The following CLSTN2 variants were observed in gnomAD, a reference collection of about 807,000 sequenced individuals.
CLSTN2 encodes the protein calsyntenin 2, also known as calsyntenin-2.
In CLSTN2, 48 loss-of-function variants were observed where a neutral mutation model predicts 101.2. That is an observed-to-expected ratio of 0.47 (90% CI 0.38 to 0.60). CLSTN2 has a LOEUF of 0.60. Among genes scored for constraint, CLSTN2 ranks in the 20% least tolerant of loss-of-function variants. The pLI, the probability that CLSTN2 is intolerant of heterozygous loss-of-function variation, is 0.00. For synonymous variants in CLSTN2, 481 were observed against 463.6 expected (o/e 1.04, Z -0.48); for missense variants, 1,160 against 1,238.2 (o/e 0.94, Z 0.95).
intron 5 of CLSTN2, among the ~76,000 whole-genome samples, chr3:140,438,482 T>TA (rs1341189536): frequency 7.3e-6 from 1 of 136,510 alleles, no homozygotes; most frequent in Non-Finnish European, 1.5e-5. Context: ...ATTGATAGCT[T>TA]AAAAAGAGAT....
At chr3:140,018,817 T>A (rs1333645503) in intron 1 of CLSTN2, among the ~76,000 whole-genome samples, 1 of 152,226 alleles carries the variant, frequency 6.6e-6, no homozygotes, top group Non-Finnish European at 1.5e-5. Flanking sequence ...ATAAGCTAAG[T>A]AAACATTAAG....
At chr3:140,326,028 C>CT (rs2107926420) in intron 2 of CLSTN2, among the ~76,000 whole-genome samples, 2 of 152,270 alleles carry the variant, frequency 1.3e-5, no homozygotes, top group African/African-American at 4.8e-5. Flanking sequence ...TATACTTTTC[C>CT]TTTTCACACT....
At chr3:139,947,916 G>A (rs1935238208) in intron 1 of CLSTN2, among the ~76,000 whole-genome samples, 1 of 151,034 alleles carries the variant, frequency 6.6e-6, no homozygotes, top group Non-Finnish European at 1.5e-5. Flanking sequence ...TTAAATTCCA[G>A]TCTTCCTAGG....
At chr3:140,386,321 G>C (rs966848755) in intron 2 of CLSTN2, among the ~76,000 whole-genome samples, 5 of 152,194 alleles carry the variant, frequency 3.3e-5, no homozygotes, top group African/African-American at 1.2e-4. Flanking sequence ...GTCTTAGCCA[G>C]TATAACTTTG....
intron 2 of CLSTN2, among the ~76,000 whole-genome samples, chr3:140,232,101 G>A (rs2086376296): frequency 6.6e-6 from 1 of 152,108 alleles, no homozygotes; most frequent in African/African-American, 2.4e-5. Context: ...ATAAATGTTA[G>A]GTATCAATTC....
Position 140,558,895 on chromosome 3 carries a change from T to C in CLSTN2, c.2041+38T>C, listed in dbSNP as rs754924488. The C allele has an allele frequency of 3.9e-6, 6 of 1,548,586 alleles. No individual in the cohort carries two copies. The Admixed American group carries it at 1.0e-4, about 27-fold the overall frequency. On this transcript the variant is annotated intron_variant, in intron 12 of 16. Coordinates refer to ENST00000458420, the MANE Select transcript of CLSTN2 (RefSeq NM_022131.3). ...TTGAGTTTGTGGGGAGGGTGGACCT[T>C]AATTTTTTACAGCCATGTGAAAACA... is the stretch of plus-strand genomic sequence containing the variant.
At chr3:140,142,352 AC>A (rs1224933560) in intron 1 of CLSTN2, among the ~76,000 whole-genome samples, 3 of 152,162 alleles carry the variant, frequency 2.0e-5, no homozygotes, top group Non-Finnish European at 4.4e-5. Flanking sequence ...AGGGACCCTT[AC>A]CCTGAGATGA....
intron 1 of CLSTN2, among the ~76,000 whole-genome samples, chr3:140,111,837 T>C (rs75706232): frequency 0.027 from 4,152 of 152,310 alleles, 179 homozygotes; most frequent in African/African-American, 0.092. Context: ...GGACTTCATA[T>C]GCACGATCTC....
chr3:140,298,905 G>C (rs1357542350), intron 2 of CLSTN2, among the ~76,000 whole-genome samples: 2 of 152,184 alleles, frequency 1.3e-5, no homozygotes, highest in Admixed American at 1.3e-4. Flanking sequence ...TAGGGGACTT[G>C]GGAATCTGAG....
At chr3:140,272,313 A>C (rs1031409192) in intron 2 of CLSTN2, among the ~76,000 whole-genome samples, 4 of 152,214 alleles carry the variant, frequency 2.6e-5, no homozygotes, top group Admixed American at 2.6e-4. Flanking sequence ...TTTATGCCAG[A>C]CACAGAGTAA....
At chr3:140,413,936 ACAT>A (rs1417478543) in intron 4 of CLSTN2, among the ~76,000 whole-genome samples, 1 of 152,152 alleles carries the variant, frequency 6.6e-6, no homozygotes, top group Non-Finnish European at 1.5e-5. Context: ...GCCACAGCAA[ACAT>A]CATACTCCAC....
intron 1 of CLSTN2, among the ~76,000 whole-genome samples, chr3:140,027,858 G>A (rs2007454675): frequency 6.6e-6 from 1 of 152,232 alleles, no homozygotes; most frequent in Admixed American, 6.5e-5. Context: ...CTCACTCCGT[G>A]GTTGAGAGCA....
At chr3:139,997,458 A>G (rs1204744714) in intron 1 of CLSTN2, among the ~76,000 whole-genome samples, 1 of 152,156 alleles carries the variant, frequency 6.6e-6, no homozygotes, top group Non-Finnish European at 1.5e-5. Context: ...CATGGAGTGA[A>G]TTGTCCCTCC....
chr3:140,317,489 G>C, intron 2 of CLSTN2, among the ~76,000 whole-genome samples: 1 of 152,106 alleles, frequency 6.6e-6, no homozygotes, highest in East Asian at 1.9e-4. Context: ...TTCTGTAAAA[G>C]TTCCTACAGC....
At chr3:140,067,627 G>A (rs1000520253) in intron 1 of CLSTN2, among the ~76,000 whole-genome samples, 1 of 152,222 alleles carries the variant, frequency 6.6e-6, no homozygotes, top group Non-Finnish European at 1.5e-5. Context: ...GTGATGTCAG[G>A]ATGTAAATCT....
intron 1 of CLSTN2, among the ~76,000 whole-genome samples, chr3:140,138,381 A>C (rs2009646921): frequency 6.6e-6 from 1 of 152,196 alleles, no homozygotes; most frequent in African/African-American, 2.4e-5. Flanking sequence ...AACCAGGGCC[A>C]GCAAAGTAGG....
chr3:139,962,894 C>T (rs765834599), intron 1 of CLSTN2, among the ~76,000 whole-genome samples: 4 of 152,022 alleles, frequency 2.6e-5, no homozygotes, highest in Non-Finnish European at 4.4e-5. Context: ...CTTTAATTTC[C>T]CATGGGTAAA....
intron 1 of CLSTN2, among the ~76,000 whole-genome samples, chr3:140,134,824 G>A (rs1295487166): frequency 6.6e-6 from 1 of 151,764 alleles, no homozygotes; most frequent in Non-Finnish European, 1.5e-5. Flanking sequence ...CTAATCCATC[G>A]GGGAACATCA....
rs575632984 is a variant in CLSTN2, at chr3:140,459,651, T to C, written c.1104T>C (p.Asp368=). The change falls in exon 7 of 17, where the codon GAT becomes GAC. Residue 368 remains aspartate, a synonymous_variant. Transcript: ENST00000458420. ...GCAGGCAGGGTGCCAAAGTCCCCGA[T>C]GGGATTGTGCCCAAGAACCTGACCG... The part of the protein sequence containing the change: ...FDGRQGAKVP[D]GIVPKNLTDQ... 8 of 1,614,116 alleles carry C rather than the reference T, an allele frequency of 5.0e-6. No individual in the cohort carries two copies. Among genetic ancestry groups the C allele is most frequent in the South Asian group, 1.1e-5 (1 of 91,076 alleles).
Sources: allele counts gnomAD v4.1 joint callset (sites outside exome capture counted in the v4.1 genomes callset), GRCh38; gene constraint gnomAD v4.1.1; transcripts MANE v1.5; gene names NCBI Gene and HGNC (gene_info 2026-07-23, HGNC 2026-07-21).